Variants in ANK2 observed in about 807,000 individuals in gnomAD.
ANK2 encodes ankyrin 2.
Under a neutral mutation model 360.5 loss-of-function variants are expected in ANK2, and 83 were observed. That is an observed-to-expected ratio of 0.23 (90% CI 0.19 to 0.28). ANK2 has a LOEUF of 0.28. ANK2 is among the 10% of genes least tolerant of loss of function. The pLI is 1.00. For missense variants in ANK2, 4,201 were observed against 4,795.7 expected, an observed-to-expected ratio of 0.88 and a Z score of 3.66; for synonymous variants, 1,740 against 1,759.5, an observed-to-expected ratio of 0.99 and a Z score of 0.28.
At chr4:112,714,628 A>G in the ANK2 span, among the ~76,000 whole-genome samples, 6 of 152,238 alleles carry the variant, frequency 3.9e-5, no homozygotes, top group African/African-American at 1.4e-4. Flanking sequence ...AGACAAAGTA[A>G]TATGTCACAT....
At chr4:113,350,645 A>G (rs1370332960) in intron 37 of ANK2, 1 of 193,818 alleles carries the variant, frequency 5.2e-6, no homozygotes, top group Non-Finnish European at 1.1e-5. Context: ...TGACTTCTGT[A>G]GAGAGCTCAT....
chr4:112,877,564 C>T (rs1355306491), intron 1 of ANK2, among the ~76,000 whole-genome samples: 1 of 152,120 alleles, frequency 6.6e-6, no homozygotes, highest in Non-Finnish European at 1.5e-5. Context: ...GTATGAGCTA[C>T]AAAGGATAGG....
intron 1 of ANK2, among the ~76,000 whole-genome samples, chr4:112,870,162 C>A (rs938872005): frequency 1.3e-4 from 20 of 151,900 alleles, no homozygotes; most frequent in Non-Finnish European, 1.6e-4. Flanking sequence ...CCACACCCGG[C>A]TAATTTTTGT....
At chr4:112,831,876 T>C (rs1349987730) in intron 1 of ANK2, among the ~76,000 whole-genome samples, 2 of 152,052 alleles carry the variant, frequency 1.3e-5, no homozygotes, top group Non-Finnish European at 2.9e-5. Flanking sequence ...TAACACTCAT[T>C]GTGAAGGTTT....
chr4:112,945,675 C>T (rs140664454), intron 2 of ANK2, among the ~76,000 whole-genome samples: 60 of 152,278 alleles, frequency 3.9e-4, no homozygotes, highest in African/African-American at 1.4e-3. Flanking sequence ...AGACACAGGA[C>T]ACCACCCCTG....
intron 10 of ANK2, among the ~76,000 whole-genome samples, chr4:113,254,372 C>T (rs72900005): frequency 0.053 from 8,008 of 152,172 alleles, 255 homozygotes; most frequent in African/African-American, 0.077. Context: ...AGTAAATATG[C>T]GTAAAATCAA....
intron 2 of ANK2, among the ~76,000 whole-genome samples, chr4:112,926,777 G>T (rs1339780801): frequency 6.6e-6 from 1 of 152,166 alleles, no homozygotes; most frequent in East Asian, 1.9e-4. Flanking sequence ...TGCCATGTAA[G>T]ATACTAACCA....
At chr4:113,011,154 AAAAC>A (rs1343596054) in intron 2 of ANK2, among the ~76,000 whole-genome samples, 1 of 152,168 alleles carries the variant, frequency 6.6e-6, no homozygotes, top group Non-Finnish European at 1.5e-5. Flanking sequence ...TTCATAATAC[AAAAC>A]AGCATAATCA....
chr4:112,934,523 A>C (rs1414977585), intron 2 of ANK2, among the ~76,000 whole-genome samples: 3 of 152,080 alleles, frequency 2.0e-5, no homozygotes, highest in Non-Finnish European at 4.4e-5. Context: ...ATTTTAGTCA[A>C]TTCAGTGGTA....
intron 15 of ANK2, among the ~76,000 whole-genome samples, chr4:113,275,829 A>T (rs2060019073): frequency 6.6e-6 from 1 of 152,100 alleles, no homozygotes; most frequent in South Asian, 2.1e-4. Flanking sequence ...ATACAGAAAT[A>T]GATAATAAAA....
intron 1 of ANK2, among the ~76,000 whole-genome samples, chr4:113,092,424 G>T (rs2088809924): frequency 6.6e-6 from 1 of 152,150 alleles, no homozygotes; most frequent in African/African-American, 2.4e-5. Context: ...CATCACCCAG[G>T]AGCTTGTAAA....
chr4:112,891,863 A>G (rs2080124974), intron 1 of ANK2, among the ~76,000 whole-genome samples: 1 of 152,210 alleles, frequency 6.6e-6, no homozygotes, highest in Non-Finnish European at 1.5e-5. Flanking sequence ...TCATTTCTAT[A>G]GTCAGTCCTT....
rs1159436176 is a variant in ANK2, at chr4:113,178,858, C to T, written c.186+4341C>T. On this transcript the variant is annotated intron_variant, in intron 2 of 45. Transcript: ENST00000357077. Reference sequence around the variant, plus strand: ...GTGACATTCCCAGGGCCACATGGATCTGTCTGTGTCCCAAGTCCAAGCTTT... The same window carrying T: ...GTGACATTCCCAGGGCCACATGGATTTGTCTGTGTCCCAAGTCCAAGCTTT... Among the ~76,000 whole-genome samples, 5 of 152,186 alleles carry T rather than the reference C, an allele frequency of 3.3e-5. No individual in the cohort carries two copies. The East Asian group carries it at 7.7e-4, about 23-fold the overall frequency.
chr4:113,250,273 C>G (rs572791142), intron 10 of ANK2, among the ~76,000 whole-genome samples: 1 of 152,252 alleles, frequency 6.6e-6, no homozygotes, highest in African/African-American at 2.4e-5. Context: ...CTCATCCAAT[C>G]TTTATCTCTT....
intron 10 of ANK2, among the ~76,000 whole-genome samples, chr4:113,252,742 A>G (rs1055105369): frequency 3.3e-5 from 5 of 152,158 alleles, no homozygotes; most frequent in Non-Finnish European, 7.4e-5. Context: ...CACAAATTTC[A>G]TAGTCATTTA....
chr4:112,810,046 C>T, the ANK2 span, among the ~76,000 whole-genome samples: 2 of 143,768 alleles, frequency 1.4e-5, no homozygotes, highest in East Asian at 4.0e-4. Context: ...TTTTTTAAAG[C>T]ATTTGGAGGT....
chr4:113,357,162 C>G lies in ANK2; in HGVS notation c.8544C>G (p.Ser2848=), dbSNP rs781663204. 1 of 1,614,140 alleles carries G rather than the reference C, an allele frequency of 6.2e-7. No individual in the cohort carries two copies. The highest frequency in any genetic ancestry group is 8.5e-7 in the Non-Finnish European group (1 of 1,179,986). The change falls in exon 38 of 46, where the codon TCC becomes TCG. Residue 2848 remains serine, a synonymous_variant. Coordinates refer to ENST00000357077, the MANE Select transcript of ANK2 (RefSeq NM_001148.6). ...DCPSESFSSS[S]SLPHCLVSEG... ...CCAGTGAAAGCTTTTCATCTTCATC[C>G]TCTTTGCCTCATTGTTTGGTATCTG...
At chr4:113,237,499 G>A (rs1563086415) in intron 6 of ANK2, 100 bp from the exon 7 acceptor site, 1 of 1,209,364 alleles carries the variant, frequency 8.3e-7, no homozygotes, top group Non-Finnish European at 1.2e-6. Context: ...ATTTTGCCAT[G>A]TTGGAACAGT....
chr4:113,147,433 T>C (rs931310683), intron 1 of ANK2, among the ~76,000 whole-genome samples: 2 of 152,172 alleles, frequency 1.3e-5, no homozygotes, highest in Non-Finnish European at 1.5e-5. Flanking sequence ...AAATGTACAA[T>C]GTCATTTCTC....
Sources: allele counts gnomAD v4.1 joint callset (sites outside exome capture counted in the v4.1 genomes callset), GRCh38; gene constraint gnomAD v4.1.1; transcripts MANE v1.5; gene names NCBI Gene and HGNC (gene_info 2026-07-23, HGNC 2026-07-21).